Variants in SLC10A7 observed in about 807,000 individuals in gnomAD.
The protein encoded by SLC10A7 is sodium/bile acid cotransporter 7.
In SLC10A7, 29 loss-of-function variants were observed where a neutral mutation model predicts 43.2. The observed-to-expected ratio is 0.67, with a 90% CI of 0.50 to 0.92. The LOEUF (loss-of-function observed/expected upper bound fraction) is 0.92. SLC10A7 is among the 40% of genes least tolerant of loss of function. SLC10A7 has a pLI of 0.00. For missense variants in SLC10A7, 295 were observed against 403.2 expected (o/e 0.73, Z 2.30); for synonymous variants, 152 against 144.8 (o/e 1.05, Z -0.35).
intron 5 of SLC10A7, among the ~76,000 whole-genome samples, chr4:146,409,017 A>G (rs1727940737): frequency 6.6e-6 from 1 of 152,194 alleles, no homozygotes; most frequent in Admixed American, 6.5e-5. Context: ...AGTTATTAAA[A>G]AACAAAAACT....
At position 146,369,991 on chromosome 4, in the gene SLC10A7, T is replaced by G. The variant is rs115861418; in HGVS notation, c.436-43995A>C. 8.0e-3 allele frequency among the ~76,000 whole-genome samples: 1,214 copies of G among 152,232 alleles called. 18 individuals are homozygous for G. Among genetic ancestry groups the G allele is most frequent in the African/African-American group, 0.027 (1,140 of 41,534 alleles). On this transcript the variant is annotated intron_variant, in intron 5 of 11. Transcript: ENST00000335472. Reference sequence around the variant, plus strand: ...CACTAAAAATAATTTGCAAAACAATTTTCTTTATGCATTCAATAAATATAT... The same window carrying G: ...CACTAAAAATAATTTGCAAAACAATGTTCTTTATGCATTCAATAAATATAT...
chr4:146,256,272 C>T lies in SLC10A7; in HGVS notation c.*219G>A, dbSNP rs1727880940. On this transcript the variant is annotated 3_prime_UTR_variant, in exon 12 of 12. Coordinates refer to ENST00000335472, the MANE Select transcript of SLC10A7 (RefSeq NM_001029998.6). ...CTGCATTAGGAAAGCAAAATTAACC[C>T]CCAAATATTGTACCACCCCTGGCAG... 3.6e-6 allele frequency: 2 copies of T among 562,640 alleles called. No individual in the cohort carries two copies. Among genetic ancestry groups the T allele is most frequent in the Non-Finnish European group, 6.3e-6 (2 of 317,348 alleles). 34.9% of individuals were successfully genotyped at this position (562,640 alleles called of 1,614,324 possible).
chr4:146,422,205 A>G lies in SLC10A7; in HGVS notation c.435+20578T>C, dbSNP rs184682013. Among the ~76,000 whole-genome samples, 29 of 152,330 alleles carry G rather than the reference A, an allele frequency of 1.9e-4. No homozygotes were observed. The East Asian group carries it at 5.6e-3, about 29-fold the overall frequency. ...AGAAATAAAACGCTCTAGGAAAGGT[A>G]CAGGTATGTAAATAGGGAGAATAAA... On this transcript the variant is annotated intron_variant, in intron 5 of 11. Coordinates refer to ENST00000335472, the MANE Select transcript of SLC10A7 (RefSeq NM_001029998.6).
chr4:146,509,278 G>A (rs1737229356), intron 3 of SLC10A7, among the ~76,000 whole-genome samples: 1 of 152,168 alleles, frequency 6.6e-6, no homozygotes, highest in African/African-American at 2.4e-5. Context: ...CAAAGTAGAA[G>A]CTAAATAAAT....
chr4:146,287,867 CG>C (rs1170076707), intron 9 of SLC10A7, among the ~76,000 whole-genome samples: 2 of 152,108 alleles, frequency 1.3e-5, no homozygotes, highest in Non-Finnish European at 2.9e-5. Flanking sequence ...AAACTGTGTT[CG>C]GCTTGATATC....
intron 5 of SLC10A7, among the ~76,000 whole-genome samples, chr4:146,389,779 GT>G (rs1738282544): frequency 6.6e-6 from 1 of 152,200 alleles, no homozygotes; most frequent in Non-Finnish European, 1.5e-5. Flanking sequence ...AGAACTTTCG[GT>G]TTGGCCTTCT....
chr4:146,294,584 C>T (rs1314738846), intron 7 of SLC10A7, among the ~76,000 whole-genome samples: 1 of 152,104 alleles, frequency 6.6e-6, no homozygotes, highest in African/African-American at 2.4e-5. Context: ...AGCAATGCAC[C>T]AGAAGTTTTT....
intron 5 of SLC10A7, among the ~76,000 whole-genome samples, chr4:146,412,107 C>T (rs888670537): frequency 6.6e-6 from 1 of 151,996 alleles, no homozygotes; most frequent in Non-Finnish European, 1.5e-5. Context: ...CTGTGAAGTA[C>T]GCTGTTATCT....
intron 6 of SLC10A7, among the ~76,000 whole-genome samples, chr4:146,312,461 A>G (rs1374578733): frequency 3.3e-5 from 5 of 152,166 alleles, no homozygotes; most frequent in African/African-American, 1.2e-4. Flanking sequence ...CTAATCACTT[A>G]GCAAATTTTA....
At chr4:146,350,302 C>A (rs953098352) in intron 5 of SLC10A7, among the ~76,000 whole-genome samples, 4 of 151,652 alleles carry the variant, frequency 2.6e-5, no homozygotes, top group African/African-American at 9.7e-5. Context: ...TCACTCCCAC[C>A]CGAATATTGC....
chr4:146,309,861 T>G (rs1358590397), intron 6 of SLC10A7, among the ~76,000 whole-genome samples: 1 of 152,152 alleles, frequency 6.6e-6, no homozygotes, highest in African/African-American at 2.4e-5. Flanking sequence ...ACGTGCAAGT[T>G]TGTTACATGG....
chr4:146,442,356 A>T lies in SLC10A7; in HGVS notation c.435+427T>A, dbSNP rs1730672875. 3.0e-6 allele frequency: 3 copies of T among 992,490 alleles called. No homozygotes were observed. The Admixed American group carries it at 1.8e-4, about 61-fold the overall frequency. 61.5% of individuals were successfully genotyped at this position (992,490 alleles called of 1,614,324 possible). A position where few individuals can be genotyped will look rare whatever the true frequency, so the allele number is the denominator to read the frequency against. On this transcript the variant is annotated intron_variant, in intron 5 of 11. Transcript: ENST00000335472. ...AGCATCCAAGCCAGTAGCTTCTTTG[A>T]CAGTGAAATGTACAAAATAAATGGC...
intron 5 of SLC10A7, among the ~76,000 whole-genome samples, chr4:146,365,335 A>T (rs74553635): frequency 0.017 from 2,591 of 152,296 alleles, 74 homozygotes; most frequent in African/African-American, 0.056. Flanking sequence ...TTGCATTTAA[A>T]ATTTTTATCT....
At chr4:146,336,994 T>A (rs1249924370) in intron 5 of SLC10A7, among the ~76,000 whole-genome samples, 1 of 152,076 alleles carries the variant, frequency 6.6e-6, no homozygotes, top group Non-Finnish European at 1.5e-5. Context: ...CATAGAACTG[T>A]ATTACATTAA....
chr4:146,503,356 G>A (rs1280811697), intron 4 of SLC10A7, among the ~76,000 whole-genome samples: 2 of 152,164 alleles, frequency 1.3e-5, no homozygotes, highest in African/African-American at 4.8e-5. Flanking sequence ...TACAATTATT[G>A]TGCCATAGTC....
intron 4 of SLC10A7, among the ~76,000 whole-genome samples, chr4:146,467,562 CTTTTTTTTTTTT>C (rs397995707): frequency 2.2e-5 from 2 of 92,832 alleles, no homozygotes; most frequent in Non-Finnish European, 3.9e-5. Flanking sequence ...TTCTTTCTCT[CTTTTTTTTTTTT>C]TTTTTTTTTG....
chr4:146,473,945 G>C (rs1295847291), intron 4 of SLC10A7, among the ~76,000 whole-genome samples: 1 of 152,074 alleles, frequency 6.6e-6, no homozygotes, highest in South Asian at 2.1e-4. Flanking sequence ...CACTGGCACA[G>C]TTATCTCTGT....
intron 5 of SLC10A7, among the ~76,000 whole-genome samples, chr4:146,355,896 G>C (rs1207756573): frequency 9.1e-6 from 1 of 109,886 alleles, no homozygotes; most frequent in African/African-American, 3.4e-5. Flanking sequence ...TGGTGGGGTG[G>C]GGGGAGGGGG....
chr4:146,388,270 A>G (rs1738150545), intron 5 of SLC10A7, among the ~76,000 whole-genome samples: 3 of 152,202 alleles, frequency 2.0e-5, no homozygotes, highest in African/African-American at 7.2e-5. Flanking sequence ...ATAAGGCCAC[A>G]TACCTACAAC....
Sources: gnomAD v4.1 joint callset for allele counts (sites outside exome capture counted in the v4.1 genomes callset) on GRCh38, gnomAD v4.1.1 for gene constraint, MANE v1.5 for transcripts, NCBI Gene and HGNC (gene_info 2026-07-23, HGNC 2026-07-21) for gene names.